LAMC3: variants seen among roughly 807,000 people sequenced by gnomAD.
LAMC3 encodes laminin subunit gamma-3.
A neutral mutation model predicts 173.8 loss-of-function variants in LAMC3; 128 were observed. The ratio of observed to expected loss-of-function variants is 0.74; its 90% CI spans 0.64 to 0.85. The LOEUF (loss-of-function observed/expected upper bound fraction) is 0.85, where lower values mean the gene tolerates loss of function less well. Ranked by LOEUF, LAMC3 falls within the 40% of genes least tolerant of loss-of-function variation. LAMC3 has a pLI of 0.00. For missense variants in LAMC3, 2,022 were observed against 2,156.0 expected (o/e 0.94, Z 1.23); for synonymous variants, 897 against 909.1 (o/e 0.99, Z 0.24).
At position 131,009,997 on chromosome 9, in the gene LAMC3, T is replaced by C. The variant is rs1833383208; in HGVS notation, c.373+410T>C. ...GGTGAAAACCCGTCTCTACTAAAAA[T>C]AGAAAATTTGGCCGGGCGTGGTGGT... is the stretch of plus-strand genomic sequence containing the variant. On this transcript the variant is annotated intron_variant, in intron 1 of 27. Coordinates refer to ENST00000361069, the MANE Select transcript of LAMC3 (RefSeq NM_006059.4). This position sits in a 1 kb window ranked among gnomAD's most constrained non-coding sequence, Gnocchi z 4.3. Among the ~76,000 whole-genome samples the C allele has an allele frequency of 3.3e-5, 5 of 150,932 alleles. No homozygotes were observed. Among genetic ancestry groups the C allele is most frequent in the South Asian group, 2.1e-4 (1 of 4,754 alleles).
chr9:131,085,233 T>C (rs1296190586), intron 24 of LAMC3, among the ~76,000 whole-genome samples: 1 of 152,156 alleles, frequency 6.6e-6, no homozygotes, highest in Non-Finnish European at 1.5e-5. Context: ...ACTGTGCTAG[T>C]CCCCACCACT....
chr9:131,085,541 C>T lies in LAMC3; in HGVS notation c.4048C>T (p.Pro1350Ser), dbSNP rs1176016078. Residue 1350 changes from proline (P) to serine (S), a missense_variant, in exon 25 of 28, where the codon CCC becomes TCC. Physicochemically the swap from Pro to Ser is moderately conservative, Grantham distance 74. Coordinates refer to ENST00000361069, the MANE Select transcript of LAMC3 (RefSeq NM_006059.4). ...ADLEGMKLQF[P>S]RPKDQAALQR... ...GTTTGCAGGAATGAAGCTGCAGTTT[C>T]CCCGGCCCAAGGACCAGGCGGCATT... The T allele has an allele frequency of 2.9e-5, 47 of 1,613,830 alleles. No homozygotes were observed. Among genetic ancestry groups the T allele is most frequent in the Middle Eastern group, 1.6e-4 (1 of 6,084 alleles).
intron 3 of LAMC3, among the ~76,000 whole-genome samples, chr9:131,032,487 G>A (rs201835626): frequency 3.4e-5 from 4 of 116,142 alleles, no homozygotes; most frequent in East Asian, 2.4e-4. Flanking sequence ...TCTTTCTCTC[G>A]CTCTCGCTCT....
At chr9:131,014,051 C>A (rs983004180) in intron 1 of LAMC3, among the ~76,000 whole-genome samples, 1 of 152,240 alleles carries the variant, frequency 6.6e-6, no homozygotes. Flanking sequence ...CTCCATCCAC[C>A]CACAGAACTG....
intron 4 of LAMC3, among the ~76,000 whole-genome samples, chr9:131,037,030 G>A (rs1020210211): frequency 1.3e-5 from 2 of 152,226 alleles, no homozygotes; most frequent in Non-Finnish European, 2.9e-5. Context: ...TCTGGACCCC[G>A]CTGTCCTCTT....
chr9:131,069,921 G>A, intron 17 of LAMC3, 71 bp downstream of exon 17: 1 of 1,474,356 alleles, frequency 6.8e-7, no homozygotes, highest in Non-Finnish European at 9.3e-7. Flanking sequence ...TCTATGCCGG[G>A]CACCAGGAAC....
intron 25 of LAMC3, 84 bp from the exon 26 acceptor site, chr9:131,087,392 G>GTA: frequency 6.6e-7 from 1 of 1,515,318 alleles, no homozygotes; most frequent in Non-Finnish European, 9.2e-7. Context: ...CAACTGCTTG[G>GTA]CATCATTGCC....
At chr9:131,068,398 C>T (rs4740406) in intron 15 of LAMC3, among the ~76,000 whole-genome samples, 167 bp downstream of exon 15, 11 of 152,076 alleles carry the variant, frequency 7.2e-5, no homozygotes, top group African/African-American at 2.2e-4. Flanking sequence ...TCTTGGCATC[C>T]GACTCATGCT....
chr9:131,058,721 C>T (rs1017028204), intron 12 of LAMC3, among the ~76,000 whole-genome samples: 1 of 151,266 alleles, frequency 6.6e-6, no homozygotes, highest in Non-Finnish European at 1.5e-5. Context: ...TGGTGAAACC[C>T]CATCTCTACT....
At chr9:131,016,212 G>A (rs1266641472) in intron 1 of LAMC3, among the ~76,000 whole-genome samples, 3 of 152,210 alleles carry the variant, frequency 2.0e-5, no homozygotes, top group Non-Finnish European at 4.4e-5. Context: ...CAAGTCCACA[G>A]AGACAGAAGG....
chr9:131,045,079 G>A (rs542790366), intron 7 of LAMC3, among the ~76,000 whole-genome samples: 3 of 152,138 alleles, frequency 2.0e-5, no homozygotes, highest in South Asian at 2.1e-4. Flanking sequence ...AAAATTAGCC[G>A]GGTGTGGTGG....
In LAMC3 at chr9:131,047,768, CAGG is replaced by C. The variant is rs1334853156; in HGVS notation, c.1520-1249_1520-1247del. On this transcript the variant is annotated intron_variant, in intron 8 of 27. Transcript: ENST00000361069. ...ATCCCAGCTACTCGGGAGGCTGAGG[CAGG>C]AGAATCGCTTGAACCTGGGAGGCAG... 4.0e-5 allele frequency among the ~76,000 whole-genome samples: 6 copies of C among 151,492 alleles called. No homozygotes were observed. In the East Asian group the frequency reaches 1.0e-3, roughly 25 times the overall value.
intron 4 of LAMC3, among the ~76,000 whole-genome samples, chr9:131,038,109 C>T (rs1380955248): frequency 2.6e-5 from 4 of 152,250 alleles, no homozygotes; most frequent in African/African-American, 7.2e-5. Flanking sequence ...TTCCCGCCCC[C>T]TCTTCCTCTG....
chr9:131,075,936 C>T lies in LAMC3; in HGVS notation c.3600C>T (p.Ala1200=). ...LLWNLLEGRV[A]LETQRDLEDR... ...GGAATCTGCTGGAGGGAAGGGTGGC[C>T]CTAGAGACCCAGCGGGACCTGGAGG... The change falls in exon 21 of 28, where the codon GCC becomes GCT. Residue 1200 remains alanine, a synonymous_variant. Coordinates refer to ENST00000361069, the MANE Select transcript of LAMC3 (RefSeq NM_006059.4). The T allele has an allele frequency of 6.2e-7, 1 of 1,610,040 alleles. No individual in the cohort carries two copies.
chr9:131,067,497 C>T (rs958645874), intron 14 of LAMC3, among the ~76,000 whole-genome samples: 7 of 152,156 alleles, frequency 4.6e-5, no homozygotes, highest in African/African-American at 1.4e-4. Context: ...ATGGCTGACC[C>T]GGTGATCGCC....
intron 13 of LAMC3, among the ~76,000 whole-genome samples, chr9:131,063,189 C>T (rs990355315): frequency 6.6e-6 from 1 of 152,230 alleles, no homozygotes; most frequent in Non-Finnish European, 1.5e-5. Flanking sequence ...GCAGATGGCT[C>T]CAGAGCCGGG....
In LAMC3 at chr9:131,045,470, C is replaced by G. The variant is rs1391199348; in HGVS notation, c.1383-54C>G. ...TCCAGCTGGGATACCCTGGCCCCGC[C>G]CCTTCCTGGCTGATTCACGTGGCCC... On this transcript the variant is annotated intron_variant, in intron 7 of 27. Coordinates refer to ENST00000361069, the MANE Select transcript of LAMC3 (RefSeq NM_006059.4). 6 of 1,608,580 alleles carry G rather than the reference C, an allele frequency of 3.7e-6. No individual in the cohort carries two copies. In the Admixed American group the frequency reaches 1.0e-4, roughly 27 times the overall value.
chr9:131,046,834 G>A (rs1389205463), intron 8 of LAMC3, among the ~76,000 whole-genome samples: 1 of 152,058 alleles, frequency 6.6e-6, no homozygotes, highest in African/African-American at 2.4e-5. Flanking sequence ...CCCCAGGAAG[G>A]AGCGAGGCAT....
At position 131,086,777 on chromosome 9, in the gene LAMC3, C is replaced by A. The variant is rs995138334; in HGVS notation, c.4231-699C>A. On this transcript the variant is annotated intron_variant, in intron 25 of 27. Transcript: ENST00000361069. The stretch of plus-strand genomic sequence containing the variant: ...TGGTGGCTCGCACCTGTAGTCCTAA[C>A]TACTCCAGAGGCTGAGACACAAGAA... Among the ~76,000 whole-genome samples the A allele has an allele frequency of 2.0e-5, 3 of 151,748 alleles. No individual in the cohort carries two copies. In the South Asian group the frequency reaches 6.2e-4, roughly 31 times the overall value.
Sources: gnomAD v4.1 joint callset for allele counts (sites outside exome capture counted in the v4.1 genomes callset) on GRCh38, gnomAD v4.1.1 for gene constraint, Gnocchi (gnomAD v3.1) non-coding constraint, MANE v1.5 for transcripts, NCBI Gene and HGNC (gene_info 2026-07-23, HGNC 2026-07-21) for gene names.